The following PDE4D variants were observed in gnomAD, a reference collection of about 807,000 sequenced individuals.
The protein encoded by PDE4D is 3',5'-cyclic-AMP phosphodiesterase 4D.
In PDE4D, 24 loss-of-function variants were observed where a neutral mutation model predicts 87.4. The ratio of observed to expected loss-of-function variants is 0.27; its 90% confidence interval spans 0.20 to 0.39. The LOEUF is 0.39. PDE4D is among the 10% of genes least tolerant of loss of function. PDE4D has a pLI of 1.00. For synonymous variants in PDE4D, 384 were observed against 383.2 expected, an observed-to-expected ratio of 1.00 and a Z score of -0.02; for missense variants, 714 against 1,041.0, an observed-to-expected ratio of 0.69 and a Z score of 4.32.
intron 3 of PDE4D, among the ~76,000 whole-genome samples, chr5:59,957,055 C>T (rs1758910324): frequency 6.6e-6 from 1 of 152,124 alleles, no homozygotes; most frequent in African/African-American, 2.4e-5. Flanking sequence ...TTTGATGTGA[C>T]AAGGACAAAA....
At chr5:60,434,318 G>C (rs1300906043) in intron 1 of PDE4D, among the ~76,000 whole-genome samples, 2 of 152,186 alleles carry the variant, frequency 1.3e-5, no homozygotes, top group African/African-American at 4.8e-5. Flanking sequence ...ATTGTTCACA[G>C]ACTTTCATAA....
intron 2 of PDE4D, among the ~76,000 whole-genome samples, chr5:60,137,065 G>GT (rs1187394585): frequency 1.3e-5 from 2 of 152,232 alleles, no homozygotes; most frequent in Non-Finnish European, 2.9e-5. Flanking sequence ...GTGGTATTTG[G>GT]TTTTCTGTTC....
intron 1 of PDE4D, among the ~76,000 whole-genome samples, chr5:60,323,343 A>G (rs1320569965): frequency 6.6e-6 from 1 of 152,174 alleles, no homozygotes; most frequent in African/African-American, 2.4e-5. Context: ...CAATGTCCCT[A>G]TCCCAGTAAA....
intron 1 of PDE4D, among the ~76,000 whole-genome samples, chr5:59,303,059 A>AT (rs1192899522): frequency 2.0e-5 from 3 of 152,002 alleles, no homozygotes; most frequent in Non-Finnish European, 2.9e-5. Flanking sequence ...GTTTTTTAAA[A>AT]TTTTTTTATT....
intron 1 of PDE4D, among the ~76,000 whole-genome samples, chr5:59,343,142 C>G (rs1779040786): frequency 6.6e-6 from 1 of 151,856 alleles, no homozygotes; most frequent in Non-Finnish European, 1.5e-5. Context: ...GTCTGTTGTT[C>G]CCCCCTATGT....
At chr5:59,130,709 AAC>A (rs1312990260) in intron 5 of PDE4D, among the ~76,000 whole-genome samples, 2 of 152,230 alleles carry the variant, frequency 1.3e-5, no homozygotes, top group African/African-American at 4.8e-5. Flanking sequence ...TTTAGCCCTG[AAC>A]CAATCAATTC....
chr5:59,418,980 G>A lies in PDE4D; in HGVS notation c.456-203012C>T, dbSNP rs150582020. Among the ~76,000 whole-genome samples the A allele has an allele frequency of 2.7e-4, 41 of 152,270 alleles. No individual in the cohort carries two copies. In the East Asian group the frequency reaches 6.2e-3, roughly 23 times the overall value. On this transcript the variant is annotated intron_variant, in intron 1 of 14. Transcript: ENST00000340635. ...CATTTAACTAACTTTATGGTCTTCA[G>A]TAAGACCTTTGAATCTGCTGGGTCT...
chr5:59,029,732 G>A (rs1425208008), intron 6 of PDE4D, among the ~76,000 whole-genome samples: 2 of 151,066 alleles, frequency 1.3e-5, no homozygotes, highest in African/African-American at 4.9e-5. Flanking sequence ...AATAGCCAAA[G>A]CAATCTTGAA....
At chr5:59,400,563 TCA>T (rs973154694) in intron 1 of PDE4D, among the ~76,000 whole-genome samples, 60 of 124,264 alleles carry the variant, frequency 4.8e-4, no homozygotes, top group African/African-American at 1.8e-3. Context: ...AAGGGGAACA[TCA>T]CACTCTGGGG....
intron 5 of PDE4D, among the ~76,000 whole-genome samples, chr5:59,114,946 T>G (rs1419209835): frequency 6.6e-6 from 1 of 151,888 alleles, no homozygotes; most frequent in African/African-American, 2.4e-5. Flanking sequence ...CGAAAATCAA[T>G]AGAGATATGT....
intron 1 of PDE4D, among the ~76,000 whole-genome samples, chr5:59,242,803 C>A (rs1757942801): frequency 6.6e-6 from 1 of 152,054 alleles, no homozygotes; most frequent in Non-Finnish European, 1.5e-5. Flanking sequence ...GAAACTGAGG[C>A]AGAGAGGAGT....
At chr5:59,004,454 T>C (rs1751169715) in intron 6 of PDE4D, among the ~76,000 whole-genome samples, 2 of 152,316 alleles carry the variant, frequency 1.3e-5, no homozygotes, top group Non-Finnish European at 2.9e-5. Context: ...TGGGGAGAAT[T>C]ACCACAAAAG....
At chr5:59,231,547 T>C (rs770830002) in intron 1 of PDE4D, among the ~76,000 whole-genome samples, 11 of 152,164 alleles carry the variant, frequency 7.2e-5, no homozygotes, top group Non-Finnish European at 1.3e-4. Flanking sequence ...AGCTGCCACA[T>C]CCTCCTAAAC....
intron 1 of PDE4D, among the ~76,000 whole-genome samples, chr5:60,197,078 T>TAGATAGAC (rs1741341186): frequency 1.7e-4 from 7 of 41,174 alleles, no homozygotes; most frequent in East Asian, 1.8e-3. Context: ...GATAGACAGT[T>TAGATAGAC]AGATAGATAG....
intron 6 of PDE4D, among the ~76,000 whole-genome samples, chr5:59,034,256 A>G (rs1758098007): frequency 6.6e-6 from 1 of 152,206 alleles, no homozygotes; most frequent in Non-Finnish European, 1.5e-5. Context: ...ATAATTATAG[A>G]AGATATTTTC....
At chr5:59,118,624 A>G (rs1561516325) in intron 5 of PDE4D, among the ~76,000 whole-genome samples, 1 of 152,210 alleles carries the variant, frequency 6.6e-6, no homozygotes, top group Non-Finnish European at 1.5e-5. Context: ...GAGAGAGTTT[A>G]TTTACAATTC....
chr5:59,330,408 C>A (rs1776507878), intron 1 of PDE4D, among the ~76,000 whole-genome samples: 1 of 152,066 alleles, frequency 6.6e-6, no homozygotes, highest in South Asian at 2.1e-4. Context: ...TTCTTGGTGG[C>A]ATTCTCCCCA....
At chr5:59,638,227 T>G (rs1020039737) in intron 1 of PDE4D, among the ~76,000 whole-genome samples, 2 of 152,080 alleles carry the variant, frequency 1.3e-5, no homozygotes, top group African/African-American at 4.8e-5. Context: ...TGGGTTATCA[T>G]AAAGCAAAAA....
chr5:59,145,580 A>C (rs528507237), intron 5 of PDE4D, among the ~76,000 whole-genome samples: 4 of 152,316 alleles, frequency 2.6e-5, no homozygotes, highest in African/African-American at 9.6e-5. Context: ...TTTCCTAAAG[A>C]TATAAGAAAT....
Sources: gnomAD v4.1 joint callset for allele counts (sites outside exome capture counted in the v4.1 genomes callset) on GRCh38, gnomAD v4.1.1 for gene constraint, MANE v1.5 for transcripts, NCBI Gene and HGNC (gene_info 2026-07-23, HGNC 2026-07-21) for gene names.